RBFOX1: variants seen among roughly 807,000 people sequenced by gnomAD.
RBFOX1 encodes RNA binding protein fox-1 homolog 1.
RBFOX1 carries 8 observed loss-of-function variants against 57.7 expected under a neutral mutation model. That is an observed-to-expected ratio of 0.14 (90% CI 0.08 to 0.25). The LOEUF is 0.25. Among genes scored for constraint, RBFOX1 ranks in the 10% least tolerant of loss-of-function variants. The pLI, the probability that RBFOX1 is intolerant of heterozygous loss-of-function variation, is 1.00. For synonymous variants in RBFOX1, 326 were observed against 222.4 expected, an observed-to-expected ratio of 1.47 and a Z score of -4.15; for missense variants, 611 against 548.5, an observed-to-expected ratio of 1.11 and a Z score of -1.14.
intron 2 of RBFOX1, among the ~76,000 whole-genome samples, chr16:6,651,717 A>AT (rs2098597688): frequency 6.6e-6 from 1 of 152,208 alleles, no homozygotes; most frequent in African/African-American, 2.4e-5. Context: ...CATACGCACA[A>AT]AAGACTTGAA....
chr16:7,282,856 T>G (rs1372150314), intron 4 of RBFOX1, among the ~76,000 whole-genome samples: 2 of 152,228 alleles, frequency 1.3e-5, no homozygotes, highest in Non-Finnish European at 2.9e-5. Flanking sequence ...CCTGAGTTAC[T>G]TCACTTAGAA....
At chr16:6,490,612 C>G (rs1416619699) in intron 2 of RBFOX1, among the ~76,000 whole-genome samples, 1 of 152,160 alleles carries the variant, frequency 6.6e-6, no homozygotes, top group Non-Finnish European at 1.5e-5. Context: ...CAAGTATGGA[C>G]TGCATTTTAC....
chr16:7,682,851 G>A (rs1254245911), intron 14 of RBFOX1, among the ~76,000 whole-genome samples: 1 of 148,126 alleles, frequency 6.8e-6, no homozygotes, highest in African/African-American at 2.5e-5. Flanking sequence ...TGTTTTTTGG[G>A]GTTTTTGCCT....
intron 4 of RBFOX1, among the ~76,000 whole-genome samples, chr16:5,917,226 A>G (rs1373753110): frequency 6.6e-6 from 1 of 152,102 alleles, no homozygotes; most frequent in Non-Finnish European, 1.5e-5. Context: ...CCCAGAGGAG[A>G]GACTTGCTAA....
At chr16:6,478,311 C>T (rs1391681977) in intron 2 of RBFOX1, among the ~76,000 whole-genome samples, 1 of 142,428 alleles carries the variant, frequency 7.0e-6, no homozygotes, top group Non-Finnish European at 1.5e-5. Flanking sequence ...CAACCTCCGC[C>T]TCCCAGGTTC....
intron 4 of RBFOX1, among the ~76,000 whole-genome samples, chr16:5,870,965 C>G (rs1056400217): frequency 2.0e-5 from 3 of 152,056 alleles, no homozygotes; most frequent in Non-Finnish European, 4.4e-5. Context: ...AAAAGAATGA[C>G]AAACCCACAG....
intron 2 of RBFOX1, among the ~76,000 whole-genome samples, chr16:6,554,785 C>CACACACAGACACACACAGATAA (rs1351173950): frequency 4.8e-5 from 7 of 145,812 alleles, no homozygotes. Flanking sequence ...TACACAGACA[C>CACACACAGACACACACAGATAA]ACACACAGAC....
intron 2 of RBFOX1, among the ~76,000 whole-genome samples, chr16:6,398,560 C>G (rs1323760795): frequency 6.6e-6 from 1 of 152,116 alleles, no homozygotes; most frequent in Non-Finnish European, 1.5e-5. Context: ...AACAAAGGGA[C>G]TACAGGTCCC....
chr16:6,490,104 C>A (rs2095598287), intron 2 of RBFOX1, among the ~76,000 whole-genome samples: 1 of 152,142 alleles, frequency 6.6e-6, no homozygotes, highest in Non-Finnish European at 1.5e-5. Flanking sequence ...TTTGTTGTTC[C>A]ACATTTAGGC....
intron 2 of RBFOX1, among the ~76,000 whole-genome samples, chr16:6,613,007 G>A (rs929151077): frequency 1.3e-3 from 2 of 1,574 alleles, no homozygotes; most frequent in Non-Finnish European, 4.7e-3. Flanking sequence ...CCCAGCATGT[G>A]TGTGTGTGTG....
At chr16:6,474,992 G>C (rs754177590) in intron 2 of RBFOX1, among the ~76,000 whole-genome samples, 6 of 152,200 alleles carry the variant, frequency 3.9e-5, no homozygotes, top group Non-Finnish European at 8.8e-5. Flanking sequence ...ACAGCACAAA[G>C]TGTTCATGAT....
At chr16:6,766,690 T>C (rs2077379781) in intron 3 of RBFOX1, among the ~76,000 whole-genome samples, 1 of 152,076 alleles carries the variant, frequency 6.6e-6, no homozygotes, top group Non-Finnish European at 1.5e-5. Flanking sequence ...AGCTGTCATC[T>C]TGGACAACAC....
At chr16:6,831,207 C>A (rs577674701) in intron 3 of RBFOX1, among the ~76,000 whole-genome samples, 1 of 152,314 alleles carries the variant, frequency 6.6e-6, no homozygotes, top group Admixed American at 6.5e-5. Flanking sequence ...GACAACACAG[C>A]TTAGTCTTAC....
chr16:6,676,740 A>T (rs2057780198), intron 3 of RBFOX1, among the ~76,000 whole-genome samples: 1 of 134,224 alleles, frequency 7.5e-6, no homozygotes, highest in Non-Finnish European at 1.5e-5. Context: ...CCATGGTGCG[A>T]TCAAGGGTCA....
chr16:6,978,090 A>C (rs1336326785), intron 3 of RBFOX1, among the ~76,000 whole-genome samples: 1 of 138,700 alleles, frequency 7.2e-6, no homozygotes, highest in Non-Finnish European at 1.5e-5. Context: ...TGTGGGTGTC[A>C]ATTACAGCTG....
chr16:6,513,703 C>T (rs2096303537), intron 2 of RBFOX1, among the ~76,000 whole-genome samples: 1 of 152,110 alleles, frequency 6.6e-6, no homozygotes, highest in African/African-American at 2.4e-5. Flanking sequence ...CATTGCACTC[C>T]AGCCTGGGGG....
intron 2 of RBFOX1, among the ~76,000 whole-genome samples, chr16:6,469,927 A>G (rs2095136361): frequency 6.6e-6 from 1 of 152,194 alleles, no homozygotes; most frequent in Non-Finnish European, 1.5e-5. Flanking sequence ...GTAAGCAGGT[A>G]AAGAACTGCC....
chr16:6,469,215 T>C (rs1167792503), intron 2 of RBFOX1, among the ~76,000 whole-genome samples: 5 of 152,164 alleles, frequency 3.3e-5, no homozygotes, highest in Admixed American at 1.3e-4. Context: ...GAGTAAAATA[T>C]AGAGAAGTAG....
intron 4 of RBFOX1, among the ~76,000 whole-genome samples, chr16:5,877,813 C>T (rs919490697): frequency 3.3e-5 from 5 of 152,256 alleles, no homozygotes; most frequent in African/African-American, 9.6e-5. Context: ...CTTCCAGGTC[C>T]TTGGGTTGTT....
Sources: allele counts gnomAD v4.1 joint callset (sites outside exome capture counted in the v4.1 genomes callset), GRCh38; gene constraint gnomAD v4.1.1; transcripts MANE v1.5; gene names NCBI Gene and HGNC (gene_info 2026-07-23, HGNC 2026-07-21).